The following PARD3B variants were observed in gnomAD, a reference collection of about 807,000 sequenced individuals.
The protein encoded by PARD3B is partitioning defective 3 homolog B.
A neutral mutation model predicts 130.2 loss-of-function variants in PARD3B; 103 were observed. The observed-to-expected ratio is 0.79, with a 90% CI of 0.67 to 0.93. PARD3B has a LOEUF of 0.93. Ranked by LOEUF, PARD3B falls within the 40% of genes least tolerant of loss-of-function variation. PARD3B has a pLI of 0.00. For missense variants in PARD3B, 1,609 were observed against 1,499.2 expected, an observed-to-expected ratio of 1.07 and a Z score of -1.21; for synonymous variants, 583 against 553.2, an observed-to-expected ratio of 1.05 and a Z score of -0.76.
chr2:204,547,374 A>G (rs558726010), intron 1 of PARD3B, among the ~76,000 whole-genome samples: 1 of 152,222 alleles, frequency 6.6e-6, no homozygotes, highest in Non-Finnish European at 1.5e-5. Flanking sequence ...TATTAAATAT[A>G]ACCCCTAAAG....
At chr2:204,568,336 C>G (rs2031799275) in intron 1 of PARD3B, among the ~76,000 whole-genome samples, 1 of 151,912 alleles carries the variant, frequency 6.6e-6, no homozygotes, top group African/African-American at 2.4e-5. Flanking sequence ...TTTTATTTAA[C>G]AATAACAGAA....
Position 204,799,591 on chromosome 2 carries a change from A to G in PARD3B, c.222+113309A>G, listed in dbSNP as rs189325492. 2.6e-3 allele frequency among the ~76,000 whole-genome samples: 401 copies of G among 152,270 alleles called. No homozygotes were observed. The highest frequency in any genetic ancestry group is 9.3e-3 in the African/African-American group (385 of 41,554). The stretch of plus-strand genomic sequence containing the variant: ...CAGTGCTATGCTGGCTTCAGGTGTG[A>G]CACAATGCAGACTCAGTGGTGGTGG... On this transcript the variant is annotated intron_variant, in intron 2 of 22. Transcript: ENST00000406610. The surrounding 1 kb of genome is among the most constrained non-coding windows in gnomAD (Gnocchi z 4.1).
chr2:205,161,006 T>A (rs2034474908), intron 11 of PARD3B, among the ~76,000 whole-genome samples: 1 of 152,198 alleles, frequency 6.6e-6, no homozygotes, highest in African/African-American at 2.4e-5. Flanking sequence ...CCAAGCCATC[T>A]AGGTTTGAGG....
rs532915216 is a variant in PARD3B at position 204,677,826 on chromosome 2, C to T, written c.121-8355C>T. Among the ~76,000 whole-genome samples the T allele has an allele frequency of 6.2e-4, 95 of 152,216 alleles. No individual in the cohort carries two copies. The highest frequency in any genetic ancestry group is 3.7e-3 in the South Asian group (18 of 4,826). On this transcript the variant is annotated intron_variant, in intron 1 of 22. Transcript: ENST00000406610. The surrounding 1 kb of genome is among the most constrained non-coding windows in gnomAD (Gnocchi z 4.1). ...ATGTTCTATTGGTAGGATAACCTGG[C>T]CTTCCCATCTTCTGGGACTTCTACA...
chr2:204,707,627 C>T (rs1430524674), intron 2 of PARD3B, among the ~76,000 whole-genome samples: 1 of 152,046 alleles, frequency 6.6e-6, no homozygotes, highest in Non-Finnish European at 1.5e-5. Context: ...TTTGTGCATA[C>T]ACACAAACCT....
In PARD3B at chr2:205,397,068, G is replaced by A. The variant is rs950664553; in HGVS notation, c.2631-3945G>A. Among the ~76,000 whole-genome samples the A allele has an allele frequency of 1.3e-5, 2 of 152,076 alleles. No individual in the cohort carries two copies. Among genetic ancestry groups the A allele is most frequent in the Non-Finnish European group, 2.9e-5 (2 of 68,022 alleles). Reference sequence around the variant, plus strand: ...CTACTGATAATTAAGTTGTCTTATTGCAAAATGAAAAAGAATTCAGTGTGT... The same window carrying A: ...CTACTGATAATTAAGTTGTCTTATTACAAAATGAAAAAGAATTCAGTGTGT... On this transcript the variant is annotated intron_variant, in intron 18 of 22. Transcript: ENST00000406610. The surrounding 1 kb of genome is among the most constrained non-coding windows in gnomAD (Gnocchi z 4.8).
intron 22 of PARD3B, among the ~76,000 whole-genome samples, chr2:205,567,971 T>G (rs2053419986): frequency 6.6e-6 from 1 of 152,144 alleles, no homozygotes; most frequent in Non-Finnish European, 1.5e-5. Context: ...GGCAAGCATG[T>G]TGAGGTACTT....
rs1352971271 is a variant in PARD3B at position 204,615,917 on chromosome 2, A to G, written c.120+69798A>G. On this transcript the variant is annotated intron_variant, in intron 1 of 22. Transcript: ENST00000406610. ...ATCAAAAGTTGAGATTTAATAAAGT[A>G]AGTTTTACTGCCTCATCAAGTTCTT... 5.3e-5 allele frequency among the ~76,000 whole-genome samples: 8 copies of G among 152,216 alleles called. No individual in the cohort carries two copies. The South Asian group carries it at 1.7e-3, about 31-fold the overall frequency.
chr2:204,778,146 C>CAAAAAAAA (rs35683519), intron 2 of PARD3B, among the ~76,000 whole-genome samples: 1 of 109,340 alleles, frequency 9.1e-6, no homozygotes, highest in Non-Finnish European at 2.0e-5. Context: ...CACCCTCTAT[C>CAAAAAAAA]AAAAAAAAAA....
chr2:205,398,774 A>T (rs770150208), intron 18 of PARD3B, among the ~76,000 whole-genome samples: 7 of 152,158 alleles, frequency 4.6e-5, no homozygotes, highest in Non-Finnish European at 5.9e-5. Context: ...CTGCAAATAG[A>T]TGCCCATTGC....
chr2:204,545,906 C>T lies in PARD3B; in HGVS notation c.-94C>T. The T allele has an allele frequency of 2.2e-6, 3 of 1,365,368 alleles. No individual in the cohort carries two copies. Among genetic ancestry groups the T allele is most frequent in the Non-Finnish European group, 2.9e-6 (3 of 1,047,290 alleles). The allele number at this position is 1,365,368 out of a possible 1,614,324, so 84.6% of individuals were successfully genotyped here. On this transcript the variant is annotated 5_prime_UTR_variant, in exon 1 of 23. Coordinates refer to ENST00000406610, the MANE Select transcript of PARD3B (RefSeq NM_001302769.2). The stretch of plus-strand genomic sequence containing the variant: ...GGGAGCGGCGCCCCGGGTCTCTGGG[C>T]CCACCCGCCCCGGGCGTCCTCCGAG...
chr2:204,981,143 TG>T (rs1692632432), intron 3 of PARD3B, among the ~76,000 whole-genome samples: 2 of 152,174 alleles, frequency 1.3e-5, no homozygotes, highest in Non-Finnish European at 2.9e-5. Flanking sequence ...CCTCATACAT[TG>T]TTGGAAAACT....
At chr2:204,902,302 C>G (rs1053596803) in intron 2 of PARD3B, among the ~76,000 whole-genome samples, 1 of 152,104 alleles carries the variant, frequency 6.6e-6, no homozygotes, top group African/African-American at 2.4e-5. Context: ...AAAGTTGAGA[C>G]TCGAGATTAA....
intron 22 of PARD3B, among the ~76,000 whole-genome samples, chr2:205,600,246 G>C (rs1332801707): frequency 6.6e-6 from 1 of 152,208 alleles, no homozygotes; most frequent in East Asian, 1.9e-4. Context: ...AGGGATGAGA[G>C]AGAAGTCTAG....
chr2:205,610,690 A>G (rs2055199185), intron 22 of PARD3B, among the ~76,000 whole-genome samples: 1 of 152,184 alleles, frequency 6.6e-6, no homozygotes, highest in East Asian at 1.9e-4. Context: ...AACAAGACAA[A>G]TAAAATAACC....
At chr2:205,293,500 T>C (rs1157292732) in intron 16 of PARD3B, 1 of 152,176 alleles carries the variant, frequency 6.6e-6, no homozygotes, top group African/African-American at 2.4e-5. Context: ...TTCTTGGCAG[T>C]AGGTAAAATT....
At chr2:205,596,792 C>G (rs2106614590) in intron 22 of PARD3B, among the ~76,000 whole-genome samples, 1 of 152,194 alleles carries the variant, frequency 6.6e-6, no homozygotes, top group East Asian at 1.9e-4. Flanking sequence ...CAAGCTATGC[C>G]TCCTTCCTGC....
intron 1 of PARD3B, among the ~76,000 whole-genome samples, chr2:204,627,843 A>G (rs1374839958): frequency 6.6e-6 from 1 of 152,122 alleles, no homozygotes; most frequent in Non-Finnish European, 1.5e-5. Flanking sequence ...TTATCTCTTA[A>G]CTGCAATTTT....
intron 3 of PARD3B, among the ~76,000 whole-genome samples, chr2:205,036,493 A>C (rs976542545): frequency 8.8e-5 from 13 of 148,274 alleles, no homozygotes; most frequent in Non-Finnish European, 1.5e-4. Context: ...ATAAAAACAT[A>C]TAGCAGACTA....
Sources: allele counts gnomAD v4.1 joint callset (sites outside exome capture counted in the v4.1 genomes callset), GRCh38; gene constraint gnomAD v4.1.1; non-coding constraint Gnocchi (gnomAD v3.1); transcripts MANE v1.5; gene names NCBI Gene and HGNC (gene_info 2026-07-23, HGNC 2026-07-21).